MED30: variants seen among roughly 807,000 people sequenced by gnomAD.
The protein encoded by MED30 is mediator complex subunit 30, also known as mediator of RNA polymerase II transcription subunit 30.
In MED30, 8 loss-of-function variants were observed where a neutral mutation model predicts 21.7. The observed-to-expected ratio is 0.37, with a 90% CI of 0.22 to 0.67. The LOEUF (loss-of-function observed/expected upper bound fraction) is 0.67. MED30 is among the 30% of genes least tolerant of loss of function. The pLI is 0.58. For synonymous variants in MED30, 79 were observed against 86.7 expected (o/e 0.91, Z 0.49); for missense variants, 203 against 228.2 (o/e 0.89, Z 0.71).
At chr8:117,526,363 C>A (rs775338800) in intron 1 of MED30, among the ~76,000 whole-genome samples, 5 of 152,034 alleles carry the variant, frequency 3.3e-5, no homozygotes, top group Admixed American at 1.3e-4. Context: ...TAGTAGACAT[C>A]CTTTTCTGTT....
In MED30 at chr8:117,526,702, TGCTCTATCCTA is replaced by T. The variant is rs528368661; in HGVS notation, c.178-1945_178-1935del. 1.8e-4 allele frequency among the ~76,000 whole-genome samples: 28 copies of T among 152,174 alleles called. 1 individual carries two copies. In the East Asian group the frequency reaches 2.1e-3, roughly 12 times the overall value. On this transcript the variant is annotated intron_variant, in intron 1 of 3. Transcript: ENST00000297347. ...GAAACCTTGTCTCTCTGATGTTTAC[TGCTCTATCCTA>T]GCTTCTAGAACAGTGCTGACACATG...
In MED30 at chr8:117,523,899, C is replaced by G. The variant is rs370105377; in HGVS notation, c.177+2846C>G. Reference sequence around the variant, plus strand: ...GCGGGCGCCTGTAATCCCAGCTACTCGGGAGGCTGGGGCAGGAGAATCGCT... The same window carrying G: ...GCGGGCGCCTGTAATCCCAGCTACTGGGGAGGCTGGGGCAGGAGAATCGCT... On this transcript the variant is annotated intron_variant, in intron 1 of 3. Coordinates refer to ENST00000297347, the MANE Select transcript of MED30 (RefSeq NM_080651.4). 2.6e-4 allele frequency: 95 copies of G among 369,578 alleles called. No homozygotes were observed. The South Asian group carries it at 3.0e-3, about 12-fold the overall frequency. 22.9% of individuals were successfully genotyped at this position (369,578 alleles called of 1,614,324 possible).
At chr8:117,539,602 T>G (rs1351648849) in intron 3 of MED30, among the ~76,000 whole-genome samples, 3 of 152,234 alleles carry the variant, frequency 2.0e-5, no homozygotes, top group Non-Finnish European at 4.4e-5. Context: ...AAATAAATGT[T>G]TAGCTGATTT....
chr8:117,530,792 A>G lies in MED30; in HGVS notation c.406A>G (p.Ser136Gly). ...DDRAGPPRFA[S>G]EERREIAEVN... ...TCGGGCTGGCCCACCTCGTTTTGCTAGTGAAGAGAGGCGAGAAATTGCTGA... is the reference window on the plus strand; with the variant it reads ...TCGGGCTGGCCCACCTCGTTTTGCTGGTGAAGAGAGGCGAGAAATTGCTGA... The change falls in exon 3 of 4, where the codon AGT becomes GGT. Residue 136 changes from serine (S) to glycine (G), a missense_variant. Coordinates refer to ENST00000297347, the MANE Select transcript of MED30 (RefSeq NM_080651.4). 1 of 1,612,226 alleles carries G rather than the reference A, an allele frequency of 6.2e-7. No individual in the cohort carries two copies. Among genetic ancestry groups the G allele is most frequent in the Non-Finnish European group, 8.5e-7 (1 of 1,178,834 alleles).
chr8:117,528,390 G>A (rs1818749597), intron 1 of MED30, among the ~76,000 whole-genome samples: 2 of 151,562 alleles, frequency 1.3e-5, no homozygotes, highest in Admixed American at 1.3e-4. Flanking sequence ...AAAATTAAAG[G>A]GGAAAAAGTA....
At chr8:117,536,021 G>A (rs917557684) in intron 3 of MED30, among the ~76,000 whole-genome samples, 1 of 152,036 alleles carries the variant, frequency 6.6e-6, no homozygotes, top group African/African-American at 2.4e-5. Flanking sequence ...GGTTTTGGGA[G>A]AAGCTTTTTG....
chr8:117,531,536 G>A (rs1056232092), intron 3 of MED30, among the ~76,000 whole-genome samples: 2 of 151,874 alleles, frequency 1.3e-5, no homozygotes, highest in African/African-American at 4.8e-5. Context: ...AGTCTTCTGA[G>A]GTATATGAAG....
intron 3 of MED30, among the ~76,000 whole-genome samples, chr8:117,536,150 G>T (rs192446966): frequency 6.6e-6 from 1 of 152,164 alleles, no homozygotes. Flanking sequence ...TGGATGTGTT[G>T]TCGGCTATAT....
At chr8:117,534,083 A>G (rs1480102808) in intron 3 of MED30, among the ~76,000 whole-genome samples, 3 of 151,984 alleles carry the variant, frequency 2.0e-5, no homozygotes, top group African/African-American at 4.8e-5. Flanking sequence ...TAGATAGTCA[A>G]TCTTTTAACC....
At chr8:117,525,177 A>T (rs1028580672) in intron 1 of MED30, among the ~76,000 whole-genome samples, 1 of 152,186 alleles carries the variant, frequency 6.6e-6, no homozygotes, top group African/African-American at 2.4e-5. Flanking sequence ...TAAGACCAGC[A>T]CAGTGAGTTA....
chr8:117,521,459 G>C (rs946240639), intron 1 of MED30, among the ~76,000 whole-genome samples: 3 of 151,922 alleles, frequency 2.0e-5, no homozygotes, highest in Non-Finnish European at 2.9e-5. Flanking sequence ...TTTTGGCATA[G>C]TTAATATACA....
At chr8:117,529,083 G>C (rs1818761004) in intron 2 of MED30, among the ~76,000 whole-genome samples, 1 of 151,750 alleles carries the variant, frequency 6.6e-6, no homozygotes, top group Non-Finnish European at 1.5e-5. Flanking sequence ...TTTTATTGCT[G>C]TCAGTGTCTC....
intron 3 of MED30, among the ~76,000 whole-genome samples, chr8:117,539,460 A>C (rs1489732305): frequency 1.3e-5 from 2 of 151,380 alleles, no homozygotes; most frequent in Admixed American, 6.6e-5. Context: ...ACTGCACTGC[A>C]GCCTGGGAAA....
intron 1 of MED30, among the ~76,000 whole-genome samples, chr8:117,526,963 C>A (rs185828343): frequency 6.6e-6 from 1 of 151,944 alleles, no homozygotes; most frequent in African/African-American, 2.4e-5. Flanking sequence ...TAAAATAACT[C>A]GCTTAAGTAA....
Position 117,534,850 on chromosome 8 carries a change from G to GTTTTTTTTTT in MED30, c.441+4032_441+4041dup, listed in dbSNP as rs3040827. 5.1e-3 allele frequency among the ~76,000 whole-genome samples: 619 copies of GTTTTTTTTTT among 120,946 alleles called. 7 individuals carry two copies. Among genetic ancestry groups the GTTTTTTTTTT allele is most frequent in the African/African-American group, 0.018 (588 of 32,450 alleles). The allele number at this position is 120,946 out of a possible 152,430, so 79.3% of individuals were successfully genotyped here. ...TTAACTGCTAAAAGGCAAACAAATTGTTTTTTTTTTTTTTTTTTACCAAAA... is the reference window on the plus strand; with the variant it reads ...TTAACTGCTAAAAGGCAAACAAATTGTTTTTTTTTTTTTTTTTTTTTTTTTTTTACCAAAA... On this transcript the variant is annotated intron_variant, in intron 3 of 3. Transcript: ENST00000297347.
intron 2 of MED30, among the ~76,000 whole-genome samples, chr8:117,529,568 C>T (rs1298100218): frequency 6.6e-6 from 1 of 151,710 alleles, no homozygotes. Flanking sequence ...ATGATAGCAG[C>T]GTGAAGTCTG....
In MED30 at chr8:117,523,627, A is replaced by T. The variant is rs1391061342; in HGVS notation, c.177+2574A>T. 5 of 1,599,628 alleles carry T rather than the reference A, an allele frequency of 3.1e-6. No homozygotes were observed. In the African/African-American group the frequency reaches 6.7e-5, roughly 21 times the overall value. On this transcript the variant is annotated intron_variant, in intron 1 of 3. Coordinates refer to ENST00000297347, the MANE Select transcript of MED30 (RefSeq NM_080651.4). ...CTTGAGAAACTGCATGGCCTTCATGACATGAAGGTTGGACACATTCTTGTC... is the reference window on the plus strand; with the variant it reads ...CTTGAGAAACTGCATGGCCTTCATGTCATGAAGGTTGGACACATTCTTGTC...
chr8:117,522,291 G>A (rs537691359), intron 1 of MED30, among the ~76,000 whole-genome samples: 15 of 152,246 alleles, frequency 9.9e-5, no homozygotes, highest in African/African-American at 2.9e-4. Flanking sequence ...TTTTCTTCTA[G>A]AAGTTTTGTA....
intron 2 of MED30, 65 bp from the exon 3 acceptor site, chr8:117,530,658 C>T (rs1259875974): frequency 1.8e-6 from 2 of 1,136,038 alleles, no homozygotes; most frequent in Non-Finnish European, 2.6e-6. Context: ...GATATATTCT[C>T]TATACAAGTG....
Sources: allele counts gnomAD v4.1 joint callset (sites outside exome capture counted in the v4.1 genomes callset), GRCh38; gene constraint gnomAD v4.1.1; transcripts MANE v1.5; gene names NCBI Gene and HGNC (gene_info 2026-07-23, HGNC 2026-07-21).